Variants in NUF2 observed in about 807,000 individuals in gnomAD.
The protein encoded by NUF2 is kinetochore protein Nuf2.
A neutral mutation model predicts 61.8 loss-of-function variants in NUF2; 34 were observed. That is an observed-to-expected ratio of 0.55 (90% CI 0.42 to 0.73). The LOEUF (loss-of-function observed/expected upper bound fraction) is 0.73, where lower values mean the gene tolerates loss of function less well. NUF2 is among the 30% of genes least tolerant of loss of function. NUF2 has a pLI of 0.00. For missense variants in NUF2, 445 were observed against 539.1 expected, an observed-to-expected ratio of 0.83 and a Z score of 1.73; for synonymous variants, 172 against 181.6, an observed-to-expected ratio of 0.95 and a Z score of 0.42.
intron 3 of NUF2, 117 bp from the exon 4 acceptor site, chr1:163,328,111 T>C (rs1650485140): frequency 7.0e-6 from 4 of 571,168 alleles, no homozygotes; most frequent in Non-Finnish European, 1.2e-5. Context: ...TACTAGGATA[T>C]GTATTAAGGT....
At chr1:163,346,492 T>C (rs1438742010) in intron 11 of NUF2, among the ~76,000 whole-genome samples, 1 of 151,986 alleles carries the variant, frequency 6.6e-6, no homozygotes, top group Non-Finnish European at 1.5e-5. Context: ...ATGTCGACAG[T>C]TGGATGTTGA....
Position 163,345,673 on chromosome 1 carries a change from C to A in NUF2, c.808-5C>A. On this transcript the variant is annotated splice_region_variant and splice_polypyrimidine_tract_variant and intron_variant, in intron 10 of 13. Transcript: ENST00000271452. ...ACTGTGGTCTCTGTTTTTTGTCTTT[C>A]AAAGCAAGAAGTGGTGGAGAAATAT... is the stretch of plus-strand genomic sequence containing the variant. The A allele has an allele frequency of 6.3e-7, 1 of 1,599,592 alleles. No homozygotes were observed. Among genetic ancestry groups the A allele is most frequent in the Non-Finnish European group, 8.5e-7 (1 of 1,175,952 alleles).
At chr1:163,343,425 T>TA (rs1651013560) in intron 9 of NUF2, among the ~76,000 whole-genome samples, 1 of 152,134 alleles carries the variant, frequency 6.6e-6, no homozygotes, top group South Asian at 2.1e-4. Context: ...AAAGATCACT[T>TA]ATACTTGTCT....
chr1:163,346,811 A>C (rs1651150821), intron 11 of NUF2, among the ~76,000 whole-genome samples: 1 of 152,124 alleles, frequency 6.6e-6, no homozygotes, highest in South Asian at 2.1e-4. Context: ...ATGCCGCCAC[A>C]CTTCCAGTCT....
At chr1:163,332,528 C>T (rs1650630255) in intron 5 of NUF2, among the ~76,000 whole-genome samples, 1 of 152,082 alleles carries the variant, frequency 6.6e-6, no homozygotes, top group African/African-American at 2.4e-5. Context: ...GAGCCAAAAC[C>T]AAGGTGTTAC....
chr1:163,335,197 C>T (rs1378869768), intron 5 of NUF2, among the ~76,000 whole-genome samples: 2 of 152,026 alleles, frequency 1.3e-5, no homozygotes, highest in Admixed American at 1.3e-4. Context: ...TGTGATCCGC[C>T]CACCTCGGCC....
intron 2 of NUF2, among the ~76,000 whole-genome samples, chr1:163,326,962 A>G (rs956961068): frequency 2.0e-5 from 3 of 152,158 alleles, no homozygotes; most frequent in African/African-American, 7.2e-5. Flanking sequence ...GCATTTAGGA[A>G]CTGCTGTTTT....
At chr1:163,335,628 G>A (rs1179463872) in intron 5 of NUF2, among the ~76,000 whole-genome samples, 9 of 151,624 alleles carry the variant, frequency 5.9e-5, no homozygotes, top group African/African-American at 7.3e-5. Context: ...CGCCATTTAC[G>A]TTTGTTCACT....
chr1:163,343,805 C>T lies in NUF2; in HGVS notation c.742C>T (p.Pro248Ser). 1 of 1,439,890 alleles carries T rather than the reference C, an allele frequency of 6.9e-7. No homozygotes were observed. The allele number at this position is 1,439,890 out of a possible 1,614,324, so 89.2% of individuals were successfully genotyped here. The stretch of plus-strand genomic sequence containing the variant: ...TTTGAAAACAAAAATTGTGGATTCT[C>T]CAGAGAAGTTAAAGAATTATAAAGA... ...ESLKTKIVDS[P>S]EKLKNYKEKM... The change falls in exon 10 of 14, where the codon CCA (proline) becomes TCA (serine). Residue 248 changes from proline (P) to serine (S), a missense_variant. Coordinates refer to ENST00000271452, the MANE Select transcript of NUF2 (RefSeq NM_145697.3).
chr1:163,351,234 A>G (rs1211710236), intron 13 of NUF2, among the ~76,000 whole-genome samples: 1 of 152,300 alleles, frequency 6.6e-6, no homozygotes, highest in East Asian at 1.9e-4. Context: ...CCCAAAACAC[A>G]TTTTTAGTGA....
At chr1:163,328,653 C>T in intron 4 of NUF2, 193 bp from the exon 5 acceptor site, 1 of 522,092 alleles carries the variant, frequency 1.9e-6, no homozygotes, top group Non-Finnish European at 3.4e-6. Flanking sequence ...TGCATGACTA[C>T]ATGATTAATA....
chr1:163,324,338 A>G (rs2101662809), intron 1 of NUF2, among the ~76,000 whole-genome samples: 1 of 152,332 alleles, frequency 6.6e-6, no homozygotes, highest in Middle Eastern at 3.4e-3. Flanking sequence ...AGGAAGAGTT[A>G]TTTAATTTGG....
chr1:163,354,374 C>T (rs992921634), intron 13 of NUF2, among the ~76,000 whole-genome samples: 3 of 152,128 alleles, frequency 2.0e-5, no homozygotes, highest in African/African-American at 7.2e-5. Flanking sequence ...TAATAGTTCT[C>T]AAACTTGCAT....
chr1:163,333,457 C>T (rs1018460971), intron 5 of NUF2, among the ~76,000 whole-genome samples: 3 of 151,880 alleles, frequency 2.0e-5, no homozygotes, highest in Admixed American at 2.0e-4. Context: ...TATTTGTTTT[C>T]TCTTTGTCCT....
rs1650412036 is a variant in NUF2 at position 163,326,194 on chromosome 1, G to A, written c.123+20G>A. 1.2e-6 allele frequency: 2 copies of A among 1,609,502 alleles called. No homozygotes were observed. Among genetic ancestry groups the A allele is most frequent in the Non-Finnish European group, 1.7e-6 (2 of 1,177,430 alleles). ...CCAAAGGTAAAAGGTGGTTACGTTTGCATGTGGATAATGGTATTTAGGGAA... is the reference window on the plus strand; with the variant it reads ...CCAAAGGTAAAAGGTGGTTACGTTTACATGTGGATAATGGTATTTAGGGAA... On this transcript the variant is annotated intron_variant, in intron 2 of 13. Transcript: ENST00000271452.
chr1:163,323,038 A>C (rs974775373), intron 1 of NUF2: 2 of 152,212 alleles, frequency 1.3e-5, no homozygotes, highest in Non-Finnish European at 2.9e-5. Flanking sequence ...AATTTCATTC[A>C]ATTATTAAAG....
intron 5 of NUF2, among the ~76,000 whole-genome samples, chr1:163,330,488 A>T (rs987095668): frequency 6.6e-6 from 1 of 152,138 alleles, no homozygotes; most frequent in Non-Finnish European, 1.5e-5. Flanking sequence ...TAAATTTTGA[A>T]ATCAGTGTTA....
intron 2 of NUF2, among the ~76,000 whole-genome samples, chr1:163,327,100 ACACACACAC>A (rs1329848860): frequency 0.027 from 3,916 of 145,322 alleles, 109 homozygotes; most frequent in African/African-American, 0.074. Context: ...TCCTGTGTTC[ACACACACAC>A]ACACACACAC....
chr1:163,330,571 A>G (rs1237263124), intron 5 of NUF2, among the ~76,000 whole-genome samples: 2 of 151,932 alleles, frequency 1.3e-5, no homozygotes, highest in African/African-American at 2.4e-5. Context: ...GTATTTTAGT[A>G]TTTCCAGCTT....
Sources: allele counts gnomAD v4.1 joint callset (sites outside exome capture counted in the v4.1 genomes callset), GRCh38; gene constraint gnomAD v4.1.1; transcripts MANE v1.5; gene names NCBI Gene and HGNC (gene_info 2026-07-23, HGNC 2026-07-21).